The following SYNPR variants were observed in gnomAD, a reference collection of about 807,000 sequenced individuals.
SYNPR encodes the protein synaptoporin.
A neutral mutation model predicts 32.9 loss-of-function variants in SYNPR; 23 were observed. The ratio of observed to expected loss-of-function variants is 0.70; its 90% CI spans 0.50 to 0.99. The LOEUF is 0.99. Ranked by LOEUF, SYNPR falls within the 50% of genes least tolerant of loss-of-function variation. The pLI is 0.00. For missense variants in SYNPR, 318 were observed against 349.3 expected (o/e 0.91, Z 0.71); for synonymous variants, 146 against 135.9 (o/e 1.07, Z -0.52).
chr3:63,410,256 T>G (rs1575630249), intron 2 of SYNPR, among the ~76,000 whole-genome samples: 1 of 152,190 alleles, frequency 6.6e-6, no homozygotes, highest in East Asian at 1.9e-4. Flanking sequence ...CTCTGGTATT[T>G]TGTCCACTGA....
At chr3:63,222,182 T>C in the SYNPR span, among the ~76,000 whole-genome samples, 2,915 of 151,916 alleles carry the variant, frequency 0.019, 93 homozygotes, top group African/African-American at 0.066. Flanking sequence ...AGCCTAACCT[T>C]GGACAAAAGA....
At chr3:63,312,921 C>T (rs1208921307) in intron 2 of SYNPR, among the ~76,000 whole-genome samples, 7 of 151,984 alleles carry the variant, frequency 4.6e-5, no homozygotes, top group African/African-American at 1.7e-4. Context: ...ATTTAGATGT[C>T]CTCCCTTTAC....
At chr3:63,265,626 C>T (rs1560173104) in intron 2 of SYNPR, among the ~76,000 whole-genome samples, 1 of 152,148 alleles carries the variant, frequency 6.6e-6, no homozygotes, top group Non-Finnish European at 1.5e-5. Context: ...CAAAACCTTT[C>T]CTCCTTCTTT....
chr3:63,286,499 A>T (rs551004206), intron 2 of SYNPR, among the ~76,000 whole-genome samples: 14 of 152,306 alleles, frequency 9.2e-5, no homozygotes, highest in African/African-American at 3.4e-4. Flanking sequence ...GAAACTGGGG[A>T]AAACCCTGGA....
At chr3:63,383,825 A>C (rs75303194) in intron 2 of SYNPR, among the ~76,000 whole-genome samples, 11 of 152,202 alleles carry the variant, frequency 7.2e-5, no homozygotes, top group African/African-American at 2.7e-4. Flanking sequence ...TGGTGACTTT[A>C]GTTATTAATA....
At chr3:63,401,893 C>T (rs2088297846) in intron 2 of SYNPR, among the ~76,000 whole-genome samples, 1 of 152,142 alleles carries the variant, frequency 6.6e-6, no homozygotes, top group South Asian at 2.1e-4. Context: ...CTCAGTATCT[C>T]TGAAAGTTGA....
At chr3:63,403,350 A>G (rs1358407308) in intron 2 of SYNPR, among the ~76,000 whole-genome samples, 1 of 151,920 alleles carries the variant, frequency 6.6e-6, no homozygotes, top group East Asian at 1.9e-4. Flanking sequence ...GTGTTACTGC[A>G]TTACTGTGTT....
intron 2 of SYNPR, among the ~76,000 whole-genome samples, chr3:63,354,189 C>G (rs1464463196): frequency 6.6e-6 from 1 of 152,154 alleles, no homozygotes; most frequent in Non-Finnish European, 1.5e-5. Context: ...TTCAGAACAT[C>G]AAAACAATGA....
intron 4 of SYNPR, among the ~76,000 whole-genome samples, chr3:63,592,776 C>G (rs1699861295): frequency 6.6e-6 from 1 of 151,972 alleles, no homozygotes; most frequent in Non-Finnish European, 1.5e-5. Flanking sequence ...TGCCTATATA[C>G]TTTTCTATAT....
At chr3:63,559,932 A>G (rs935669451) in intron 4 of SYNPR, among the ~76,000 whole-genome samples, 4 of 152,220 alleles carry the variant, frequency 2.6e-5, no homozygotes, top group African/African-American at 9.6e-5. Context: ...TTCTAAACAG[A>G]AAAAGTTGAT....
chr3:63,552,990 T>C (rs1050613887), intron 3 of SYNPR, among the ~76,000 whole-genome samples: 2 of 152,124 alleles, frequency 1.3e-5, no homozygotes, highest in African/African-American at 4.8e-5. Flanking sequence ...TCAACTTTTA[T>C]TTTAGATATG....
chr3:63,205,708 CTGTT>C, the SYNPR span, among the ~76,000 whole-genome samples: 31 of 152,346 alleles, frequency 2.0e-4, no homozygotes, highest in African/African-American at 7.2e-4. Context: ...TAACTGAGCT[CTGTT>C]TGTGAAACTG....
At chr3:63,238,100 T>A (rs2106878130) in intron 1 of SYNPR, among the ~76,000 whole-genome samples, 1 of 152,180 alleles carries the variant, frequency 6.6e-6, no homozygotes, top group South Asian at 2.1e-4. Flanking sequence ...GTCAGCTTCT[T>A]AAGTTGAGTG....
intron 2 of SYNPR, among the ~76,000 whole-genome samples, chr3:63,406,822 C>A (rs1395595364): frequency 6.6e-6 from 1 of 152,148 alleles, no homozygotes; most frequent in African/African-American, 2.4e-5. Context: ...GAGGCCCACA[C>A]TGAACTCCAC....
intron 4 of SYNPR, 105 bp from the exon 5 acceptor site, chr3:63,609,020 T>C (rs1700160859): frequency 8.5e-7 from 1 of 1,182,472 alleles, no homozygotes; most frequent in Admixed American, 3.1e-5. Flanking sequence ...CTATGGGATC[T>C]TAAAATTTTC....
At chr3:63,347,619 C>T (rs549762619) in intron 2 of SYNPR, among the ~76,000 whole-genome samples, 13 of 152,206 alleles carry the variant, frequency 8.5e-5, no homozygotes, top group African/African-American at 2.9e-4. Flanking sequence ...AATTTCTCAT[C>T]CCTCACCCTC....
At chr3:63,451,585 G>A (rs975654263) in intron 2 of SYNPR, among the ~76,000 whole-genome samples, 1 of 152,082 alleles carries the variant, frequency 6.6e-6, no homozygotes, top group African/African-American at 2.4e-5. Context: ...CATTTGTTGT[G>A]GAGTCAGGGC....
At chr3:63,607,608 C>T (rs1252456858) in intron 4 of SYNPR, among the ~76,000 whole-genome samples, 1 of 152,144 alleles carries the variant, frequency 6.6e-6, no homozygotes, top group Non-Finnish European at 1.5e-5. Flanking sequence ...TTAAAATACC[C>T]ATGCCATCAA....
chr3:63,472,542 A>G (rs1011875093), intron 2 of SYNPR, among the ~76,000 whole-genome samples: 1 of 152,118 alleles, frequency 6.6e-6, no homozygotes, highest in Non-Finnish European at 1.5e-5. Flanking sequence ...GCCCCTTTTC[A>G]AGCACTTCAT....
Sources: allele counts gnomAD v4.1 joint callset (sites outside exome capture counted in the v4.1 genomes callset), GRCh38; gene constraint gnomAD v4.1.1; transcripts MANE v1.5; gene names NCBI Gene and HGNC (gene_info 2026-07-23, HGNC 2026-07-21).